HPSE2: variants seen among roughly 807,000 people sequenced by gnomAD.
HPSE2 encodes the protein heparanase 2 (inactive).
Under a neutral mutation model 60.5 loss-of-function variants are expected in HPSE2, and 38 were observed. The ratio of observed to expected loss-of-function variants is 0.63; its 90% CI spans 0.48 to 0.82. HPSE2 has a LOEUF of 0.82. Among genes scored for constraint, HPSE2 ranks in the 40% least tolerant of loss-of-function variants. The pLI is 0.00. For synonymous variants in HPSE2, 295 were observed against 293.2 expected (o/e 1.01, Z -0.06); for missense variants, 713 against 740.4 (o/e 0.96, Z 0.43).
At chr10:98,749,947 T>TATATATATATACACACACAC in intron 3 of HPSE2, among the ~76,000 whole-genome samples, 66 of 98,452 alleles carry the variant, frequency 6.7e-4, no homozygotes, top group East Asian at 5.4e-3. Context: ...TATATATATA[T>TATATATATATACACACACAC]ACACACACAC....
rs377325278 is a variant in HPSE2 at position 98,939,014 on chromosome 10, T to A, written c.611-194958A>T. Among the ~76,000 whole-genome samples, 21 of 143,474 alleles carry A rather than the reference T, an allele frequency of 1.5e-4. 1 individual carries two copies. The highest frequency in any genetic ancestry group is 2.1e-4 in the Non-Finnish European group (14 of 67,042). 94.1% of individuals were successfully genotyped at this position (143,474 alleles called of 152,430 possible). A position where few individuals can be genotyped will look rare whatever the true frequency, so the allele number is the denominator to read the frequency against. On this transcript the variant is annotated intron_variant, in intron 3 of 11. Transcript: ENST00000370552. ...TTCATAAGTGAAGGAGAAATAAAAT[T>A]CTTTACAGACAAGCAAATGCTGAGA...
At chr10:98,843,535 C>T (rs2134701012) in intron 3 of HPSE2, among the ~76,000 whole-genome samples, 1 of 152,234 alleles carries the variant, frequency 6.6e-6, no homozygotes, top group African/African-American at 2.4e-5. Context: ...TGTTTGGAAA[C>T]TATATAAAAT....
intron 3 of HPSE2, among the ~76,000 whole-genome samples, chr10:98,803,950 A>G (rs1447334734): frequency 6.6e-6 from 1 of 151,940 alleles, no homozygotes; most frequent in Non-Finnish European, 1.5e-5. Context: ...CTTCCTACCC[A>G]TGAGCATGGA....
intron 9 of HPSE2, among the ~76,000 whole-genome samples, chr10:98,493,198 T>G (rs971655232): frequency 6.6e-6 from 1 of 152,236 alleles, no homozygotes; most frequent in Admixed American, 6.5e-5. Context: ...GTATACCACA[T>G]TTGAACTTAA....
chr10:99,070,665 C>G (rs1842758603), intron 3 of HPSE2, among the ~76,000 whole-genome samples: 1 of 152,144 alleles, frequency 6.6e-6, no homozygotes, highest in Admixed American at 6.5e-5. Context: ...CATTTACCAC[C>G]CCAGGCCCCC....
At chr10:98,945,953 G>A (rs747109378) in intron 3 of HPSE2, among the ~76,000 whole-genome samples, 18 of 151,880 alleles carry the variant, frequency 1.2e-4, no homozygotes, top group Non-Finnish European at 2.2e-4. Context: ...TGAACTGTGC[G>A]GGTCAACTTA....
intron 11 of HPSE2, among the ~76,000 whole-genome samples, chr10:98,468,940 C>A (rs1016030027): frequency 6.6e-6 from 1 of 152,168 alleles, no homozygotes; most frequent in East Asian, 1.9e-4. Flanking sequence ...GAGGGACACG[C>A]TGAAATGGTG....
chr10:98,759,039 A>G (rs2134380227), intron 3 of HPSE2, among the ~76,000 whole-genome samples: 1 of 152,302 alleles, frequency 6.6e-6, no homozygotes, highest in East Asian at 1.9e-4. Context: ...TTGCAGCAAC[A>G]TGGATAGAAC....
intron 11 of HPSE2, among the ~76,000 whole-genome samples, chr10:98,467,461 T>C (rs1299963719): frequency 1.3e-5 from 2 of 151,970 alleles, no homozygotes; most frequent in African/African-American, 2.4e-5. Context: ...CTGGTCTCAG[T>C]TTCTGGATTG....
chr10:98,486,918 GT>G (rs1941461170), intron 10 of HPSE2, among the ~76,000 whole-genome samples: 1 of 152,056 alleles, frequency 6.6e-6, no homozygotes, highest in South Asian at 2.1e-4. Flanking sequence ...TCAAAATATT[GT>G]TTTGTAAGAG....
intron 3 of HPSE2, among the ~76,000 whole-genome samples, chr10:99,085,475 A>G (rs980074803): frequency 6.6e-6 from 1 of 152,128 alleles, no homozygotes; most frequent in Non-Finnish European, 1.5e-5. Context: ...GCTTCTTGGT[A>G]TCTCTTTTTC....
At chr10:98,850,586 A>T (rs1284725699) in intron 3 of HPSE2, among the ~76,000 whole-genome samples, 1 of 151,974 alleles carries the variant, frequency 6.6e-6, no homozygotes, top group Non-Finnish European at 1.5e-5. Context: ...AATACAAAAA[A>T]ATTAGCCAGG....
intron 6 of HPSE2, among the ~76,000 whole-genome samples, chr10:98,656,646 T>A (rs521347): frequency 0.2 from 30,305 of 152,202 alleles, 3,364 homozygotes; most frequent in East Asian, 0.34. Flanking sequence ...GAAAACTTAC[T>A]TTAATTTCTT....
At chr10:98,764,441 T>A (rs1950074183) in intron 3 of HPSE2, among the ~76,000 whole-genome samples, 1 of 152,104 alleles carries the variant, frequency 6.6e-6, no homozygotes, top group African/African-American at 2.4e-5. Flanking sequence ...ATATCAATAA[T>A]TAGATTAAAT....
chr10:99,037,142 G>A lies in HPSE2; in HGVS notation c.610+107096C>T, dbSNP rs146422781. 2.8e-3 allele frequency among the ~76,000 whole-genome samples: 433 copies of A among 152,168 alleles called. 2 individuals are homozygous for A. Among genetic ancestry groups the A allele is most frequent in the Middle Eastern group, 0.01 (3 of 294 alleles). Reference sequence around the variant, plus strand: ...AACCCAAATTGAGGGACGTTCCTTGGCTAGTATTCTTTGAAACTGTCAAGG... The same window carrying A: ...AACCCAAATTGAGGGACGTTCCTTGACTAGTATTCTTTGAAACTGTCAAGG... On this transcript the variant is annotated intron_variant, in intron 3 of 11. Transcript: ENST00000370552.
At position 98,995,176 on chromosome 10, in the gene HPSE2, A is replaced by G. The variant is rs182021887; in HGVS notation, c.610+149062T>C. On this transcript the variant is annotated intron_variant, in intron 3 of 11. Transcript: ENST00000370552. Reference sequence around the variant, plus strand: ...CATTCTCTCCTAAATGATCTGTTCAAAATATATCTGCTGACTATTCTGGCT... The same window carrying G: ...CATTCTCTCCTAAATGATCTGTTCAGAATATATCTGCTGACTATTCTGGCT... Among the ~76,000 whole-genome samples the G allele has an allele frequency of 2.5e-3, 374 of 152,250 alleles. 5 individuals are homozygous for G. The highest frequency in any genetic ancestry group is 1.1e-3 in the Non-Finnish European group (76 of 68,012).
rs573665923 is a variant in HPSE2, at chr10:98,571,158, T to C, written c.1320+43746A>G. 1.4e-4 allele frequency among the ~76,000 whole-genome samples: 22 copies of C among 152,296 alleles called. No homozygotes were observed. In the South Asian group the frequency reaches 3.9e-3, roughly 27 times the overall value. Reference sequence around the variant, plus strand: ...TAGAAAAGAAAGTAGAAAGACCTAATGTATGTCAGTGCTTGGCCCATTTGC... The same window carrying C: ...TAGAAAAGAAAGTAGAAAGACCTAACGTATGTCAGTGCTTGGCCCATTTGC... On this transcript the variant is annotated intron_variant, in intron 9 of 11. Transcript: ENST00000370552.
In HPSE2 at chr10:99,189,638, A is replaced by G. The variant is rs924496012; in HGVS notation, c.448+42710T>C. On this transcript the variant is annotated intron_variant, in intron 2 of 11. Transcript: ENST00000370552. ...AGGAAGTTCCAAAGTTGGTGTCCCGAAAGAATGCATTTGGCTGCAGGGTAC... is the reference window on the plus strand; with the variant it reads ...AGGAAGTTCCAAAGTTGGTGTCCCGGAAGAATGCATTTGGCTGCAGGGTAC... Among the ~76,000 whole-genome samples, 10 of 152,340 alleles carry G rather than the reference A, an allele frequency of 6.6e-5. No individual in the cohort carries two copies. In the East Asian group the frequency reaches 1.9e-3, roughly 29 times the overall value.
At chr10:98,954,692 T>C (rs944230436) in intron 3 of HPSE2, among the ~76,000 whole-genome samples, 1 of 152,110 alleles carries the variant, frequency 6.6e-6, no homozygotes, top group African/African-American at 2.4e-5. Context: ...ACCCCATTGA[T>C]CACTTTAGGA....
Sources: allele counts gnomAD v4.1 joint callset (sites outside exome capture counted in the v4.1 genomes callset), GRCh38; gene constraint gnomAD v4.1.1; transcripts MANE v1.5; gene names NCBI Gene and HGNC (gene_info 2026-07-23, HGNC 2026-07-21).